The following YAE1 variants were observed in gnomAD, a reference collection of about 807,000 sequenced individuals.
YAE1 encodes protein YAE1 homolog.
Under a neutral mutation model 23.0 loss-of-function variants are expected in YAE1, and 22 were observed. The observed-to-expected ratio is 0.96, with a 90% CI of 0.68 to 1.37. The LOEUF is 1.37. YAE1 is among the 40% of genes most tolerant of loss of function. The pLI is 0.00. For missense variants in YAE1, 260 were observed against 262.1 expected (o/e 0.99, Z 0.06); for synonymous variants, 101 against 97.0 (o/e 1.04, Z -0.24).
At chr7:39,578,619 G>A (rs546329755) in intron 2 of YAE1, among the ~76,000 whole-genome samples, 1 of 152,076 alleles carries the variant, frequency 6.6e-6, no homozygotes, top group Non-Finnish European at 1.5e-5. Context: ...CACTCACCGC[G>A]AAGGTCTGTA....
chr7:39,583,818 A>ATG (rs1249230997), intron 2 of YAE1, among the ~76,000 whole-genome samples: 1 of 152,228 alleles, frequency 6.6e-6, no homozygotes, highest in Admixed American at 6.5e-5. Flanking sequence ...CATCGTTTAC[A>ATG]GGTCAGTTCA....
In YAE1 at chr7:39,583,117, T is replaced by A. The variant is rs1207569484; in HGVS notation, c.251+12490T>A. Among the ~76,000 whole-genome samples, 5 of 152,174 alleles carry A rather than the reference T, an allele frequency of 3.3e-5. No homozygotes were observed. In the East Asian group the frequency reaches 7.7e-4, roughly 23 times the overall value. ...CCAAATGATCAACAATTTTAAAAAT[T>A]GAGTAAATTATTATAACATCCACTC... On this transcript the variant is annotated intron_variant, in intron 2 of 2. Transcript: ENST00000432096.
downstream of YAE1, among the ~76,000 whole-genome samples, chr7:39,576,235 T>G (rs1487094792): frequency 6.6e-6 from 1 of 152,218 alleles, no homozygotes; most frequent in Non-Finnish European, 1.5e-5. Context: ...TTTAATTAAT[T>G]TATGTACCAG....
Position 39,579,583 on chromosome 7 carries a change from C to T in YAE1, c.251+8956C>T, listed in dbSNP as rs545459074. On this transcript the variant is annotated intron_variant, in intron 2 of 2. Coordinates refer to the YAE1 transcript ENST00000432096. ...ACTCAGGAGGCTGAGGCAGGAGAAT[C>T]GCTTGAACCCAGGAGGTGGGGGTGC... is the stretch of plus-strand genomic sequence containing the variant. Among the ~76,000 whole-genome samples, 108 of 151,510 alleles carry T rather than the reference C, an allele frequency of 7.1e-4. 1 individual carries two copies. Among genetic ancestry groups the T allele is most frequent in the Non-Finnish European group, 2.7e-4 (18 of 67,918 alleles).
At chr7:39,569,984 C>G in intron 1 of YAE1, 1 of 1,362,804 alleles carries the variant, frequency 7.3e-7, no homozygotes, top group South Asian at 1.2e-5. Context: ...ATCTTCTCCC[C>G]ATTCAGCAAA....
downstream of YAE1, among the ~76,000 whole-genome samples, chr7:39,611,004 T>A (rs939594601): frequency 6.6e-6 from 1 of 151,792 alleles, no homozygotes; most frequent in Non-Finnish European, 1.5e-5. Flanking sequence ...AAAAATTAGG[T>A]GGACATGGTG....
At chr7:39,570,718 T>C in intron 2 of YAE1, 91 bp downstream of exon 2, 2 of 1,461,116 alleles carry the variant, frequency 1.4e-6, no homozygotes, top group African/African-American at 2.9e-5. Flanking sequence ...ACTGAAATGC[T>C]TTTCCTGGTG....
At chr7:39,584,005 G>A (rs1790779998) in intron 2 of YAE1, among the ~76,000 whole-genome samples, 1 of 152,110 alleles carries the variant, frequency 6.6e-6, no homozygotes, top group Non-Finnish European at 1.5e-5. Flanking sequence ...TAAATTGTAA[G>A]AATTTGAATA....
At chr7:39,593,177 C>CTTTTTTGTTTTTTTTTT (rs1790925219) in intron 2 of YAE1, among the ~76,000 whole-genome samples, 1 of 72,108 alleles carries the variant, frequency 1.4e-5, no homozygotes, top group African/African-American at 5.8e-5. Flanking sequence ...TTGGTTATTT[C>CTTTTTTGTTTTTTTTTT]TTTTTTTTTT....
intron 2 of YAE1, among the ~76,000 whole-genome samples, chr7:39,589,466 C>G (rs1005576714): frequency 1.4e-4 from 21 of 152,182 alleles, no homozygotes; most frequent in Middle Eastern, 3.4e-3. Flanking sequence ...CAGGGTTTCA[C>G]TAGGCTGGTC....
At chr7:39,570,029 G>C in intron 1 of YAE1, 1 of 1,362,162 alleles carries the variant, frequency 7.3e-7, no homozygotes, top group Admixed American at 1.7e-5. Context: ...TTGACAAGCA[G>C]GGCACCACGG....
At chr7:39,575,382 C>T (rs1790636999), downstream of YAE1, among the ~76,000 whole-genome samples, 2 of 152,144 alleles carry the variant, frequency 1.3e-5, no homozygotes, top group Non-Finnish European at 2.9e-5. Context: ...CATATACCTG[C>T]GTCCTTACCT....
At chr7:39,592,617 A>C (rs1160694737) in intron 2 of YAE1, among the ~76,000 whole-genome samples, 1 of 152,210 alleles carries the variant, frequency 6.6e-6, no homozygotes, top group African/African-American at 2.4e-5. Context: ...AACCATATGT[A>C]ATTTTACTAG....
intron 1 of YAE1, among the ~76,000 whole-genome samples, chr7:39,567,192 A>G (rs1158213082): frequency 6.6e-6 from 1 of 152,160 alleles, no homozygotes; most frequent in Non-Finnish European, 1.5e-5. Flanking sequence ...CACTTAATAT[A>G]TTTGCCAACC....
chr7:39,575,886 C>A (rs1790651614), downstream of YAE1, among the ~76,000 whole-genome samples: 1 of 152,200 alleles, frequency 6.6e-6, no homozygotes, highest in South Asian at 2.1e-4. Flanking sequence ...CATCATTGGA[C>A]ATGAACAATT....
intron 2 of YAE1, among the ~76,000 whole-genome samples, chr7:39,588,497 ATC>A (rs2115815820): frequency 1.5e-5 from 1 of 66,998 alleles, no homozygotes; most frequent in South Asian, 6.0e-4. Context: ...GGGAGACTCC[ATC>A]TCAAAAAAAA....
downstream of YAE1, among the ~76,000 whole-genome samples, chr7:39,575,540 GAGA>G (rs1200846937): frequency 1.3e-4 from 3 of 23,866 alleles, no homozygotes; most frequent in Non-Finnish European, 1.7e-4. Context: ...AGATACAGGA[GAGA>G]GAGAGAGAGA....
intron 2 of YAE1, among the ~76,000 whole-genome samples, chr7:39,604,867 A>G (rs915993489): frequency 6.6e-6 from 1 of 152,242 alleles, no homozygotes; most frequent in Admixed American, 6.5e-5. Flanking sequence ...TTAGAAAAAT[A>G]AGCTGGAAAT....
chr7:39,569,199 A>G (rs1790525865), intron 1 of YAE1, among the ~76,000 whole-genome samples: 1 of 152,192 alleles, frequency 6.6e-6, no homozygotes, highest in Admixed American at 6.5e-5. Context: ...CTGTCCTTAA[A>G]TCATATTTCA....
Sources: allele counts gnomAD v4.1 joint callset (sites outside exome capture counted in the v4.1 genomes callset), GRCh38; gene constraint gnomAD v4.1.1; transcripts MANE v1.5; gene names NCBI Gene and HGNC (gene_info 2026-07-23, HGNC 2026-07-21).